The following CCL28 variants were observed in gnomAD, a reference collection of about 807,000 sequenced individuals.
The protein encoded by CCL28 is C-C motif chemokine 28.
A neutral mutation model predicts 7.1 loss-of-function variants in CCL28; 4 were observed. The ratio of observed to expected loss-of-function variants is 0.56; its 90% CI spans 0.28 to 1.29. CCL28 has a LOEUF of 1.29. CCL28 is among the 50% of genes most tolerant of loss of function. The probability of loss-of-function intolerance (pLI) is 0.11; values close to 1 mark genes in which losing one functional copy is unlikely to be tolerated. For missense variants in CCL28, 151 were observed against 163.4 expected (o/e 0.92, Z 0.41); for synonymous variants, 55 against 57.8 (o/e 0.95, Z 0.22).
In CCL28 at chr5:43,379,966, A is replaced by T. The variant is rs1344068545; in HGVS notation, c.*1894T>A. 6.6e-6 allele frequency: 1 copy of T among 152,158 alleles called. No homozygotes were observed. Among genetic ancestry groups the T allele is most frequent in the Admixed American group, 6.5e-5 (1 of 15,276 alleles). The allele number at this position is 152,158 out of a possible 1,614,324, so 9.4% of individuals were successfully genotyped here. A position where few individuals can be genotyped will look rare whatever the true frequency, so the allele number is the denominator to read the frequency against. On this transcript the variant is annotated 3_prime_UTR_variant, in exon 3 of 3. Transcript: ENST00000361115. ...AAAACCCCGTCTCTACTAAAAATAC[A>T]AAAATCAGCGGGGTGTGGTGGCTGG...
the CCL28 span, among the ~76,000 whole-genome samples, chr5:43,357,650 T>C: frequency 6.6e-6 from 1 of 151,730 alleles, no homozygotes; most frequent in East Asian, 1.9e-4. Flanking sequence ...TCTTACTCTC[T>C]CCCACCCAGG....
rs546871515 is a variant in CCL28, at chr5:43,381,651, T to A, written c.*209A>T. On this transcript the variant is annotated 3_prime_UTR_variant, in exon 3 of 3. Transcript: ENST00000361115. The stretch of plus-strand genomic sequence containing the variant: ...CTGGGATAAAAGGTGTGAACCACCA[T>A]ACCCAGCCAGTATTATCTTTTCATT... The A allele has an allele frequency of 1.8e-5, 9 of 508,906 alleles. No homozygotes were observed. The highest frequency in any genetic ancestry group is 3.7e-5 in the Admixed American group (1 of 27,262). 31.5% of individuals were successfully genotyped at this position (508,906 alleles called of 1,614,324 possible). A position where few individuals can be genotyped will look rare whatever the true frequency, so the allele number is the denominator to read the frequency against.
chr5:43,372,644 C>A (rs892382780), downstream of CCL28, among the ~76,000 whole-genome samples: 6 of 152,038 alleles, frequency 3.9e-5, no homozygotes, highest in Admixed American at 3.9e-4. Context: ...GCTAGGATTA[C>A]AAGGGCGAGC....
At chr5:43,361,315 A>G in the CCL28 span, among the ~76,000 whole-genome samples, 1 of 152,142 alleles carries the variant, frequency 6.6e-6, no homozygotes, top group Non-Finnish European at 1.5e-5. Context: ...AGAATGACTT[A>G]TATTCCTTTG....
the CCL28 span, among the ~76,000 whole-genome samples, chr5:43,367,505 T>G: frequency 6.6e-6 from 1 of 152,214 alleles, no homozygotes; most frequent in East Asian, 1.9e-4. Flanking sequence ...CAACCCCTTG[T>G]GCTTCCTGGG....
the CCL28 span, among the ~76,000 whole-genome samples, chr5:43,364,352 T>C: frequency 2.0e-5 from 3 of 152,216 alleles, no homozygotes; most frequent in Admixed American, 2.0e-4. Context: ...TGTATGTGTA[T>C]TGTGTAGAGT....
intron 1 of CCL28, among the ~76,000 whole-genome samples, chr5:43,404,314 C>A (rs1741172877): frequency 1.3e-5 from 2 of 152,206 alleles, no homozygotes; most frequent in Non-Finnish European, 2.9e-5. Context: ...GATCCCTCAG[C>A]AGAAACTCTA....
chr5:43,363,502 C>G, the CCL28 span, among the ~76,000 whole-genome samples: 1 of 152,184 alleles, frequency 6.6e-6, no homozygotes, highest in East Asian at 1.9e-4. Context: ...GATTCCATAC[C>G]CTGAGTGGTA....
At chr5:43,400,818 C>T (rs1241652039) in intron 1 of CCL28, among the ~76,000 whole-genome samples, 2 of 152,188 alleles carry the variant, frequency 1.3e-5, no homozygotes, top group Non-Finnish European at 2.9e-5. Flanking sequence ...GGTGTGGTGG[C>T]TCACGCCTGT....
chr5:43,375,458 T>TA (rs56289620), downstream of CCL28, among the ~76,000 whole-genome samples: 17,139 of 32,722 alleles, frequency 0.52, 6,319 homozygotes, highest in Non-Finnish European at 0.6. Context: ...GACAGAAAGC[T>TA]AAAAAAAAAA....
chr5:43,395,887 AGTATCGCTCT>A lies in CCL28; in HGVS notation c.65-7421_65-7412del, dbSNP rs1450461975. On this transcript the variant is annotated intron_variant, in intron 1 of 2. Transcript: ENST00000361115. ...TTTTTTTTTTTTTTTTTTGAGACGG[AGTATCGCTCT>A]GTATCGCTCTGTTGCCCAGACTGGA... Among the ~76,000 whole-genome samples the A allele has an allele frequency of 4.1e-5, 4 of 98,722 alleles. No individual in the cohort carries two copies. In the Admixed American group the frequency reaches 6.1e-4, roughly 15 times the overall value. The allele number at this position is 98,722 out of a possible 152,430, so 64.8% of individuals were successfully genotyped here. A position where few individuals can be genotyped will look rare whatever the true frequency, so the allele number is the denominator to read the frequency against.
chr5:43,399,004 A>C (rs59189257), intron 1 of CCL28, among the ~76,000 whole-genome samples: 1 of 152,264 alleles, frequency 6.6e-6, no homozygotes, highest in African/African-American at 2.4e-5. Flanking sequence ...CAGTAACTTC[A>C]AAATGTGTTT....
At chr5:43,389,463 C>T (rs1293756478) in intron 1 of CCL28, among the ~76,000 whole-genome samples, 4 of 152,164 alleles carry the variant, frequency 2.6e-5, no homozygotes, top group East Asian at 1.9e-4. Context: ...TGAATCACTA[C>T]GCTAGACCCT....
At chr5:43,358,601 T>C in the CCL28 span, among the ~76,000 whole-genome samples, 2,382 of 152,288 alleles carry the variant, frequency 0.016, 63 homozygotes, top group African/African-American at 0.052. Flanking sequence ...GTCCAAACCA[T>C]TGGTCTTCAA....
At chr5:43,390,146 A>G (rs1446303487) in intron 1 of CCL28, among the ~76,000 whole-genome samples, 1 of 152,218 alleles carries the variant, frequency 6.6e-6, no homozygotes, top group Non-Finnish European at 1.5e-5. Context: ...ATACTGAACA[A>G]TGGTTGTTGG....
chr5:43,368,147 G>A, the CCL28 span, among the ~76,000 whole-genome samples: 5 of 152,154 alleles, frequency 3.3e-5, no homozygotes, highest in East Asian at 3.8e-4. Flanking sequence ...TTTGTAATAC[G>A]TGGGAGGAAA....
intron 1 of CCL28, among the ~76,000 whole-genome samples, chr5:43,392,643 C>T (rs757681587): frequency 6.6e-6 from 1 of 152,202 alleles, no homozygotes; most frequent in Non-Finnish European, 1.5e-5. Context: ...TGCACATCCT[C>T]AACAACTTTT....
rs763173713 is a variant in CCL28, at chr5:43,382,057, T to C, written c.192-5A>G. On this transcript the variant is annotated splice_polypyrimidine_tract_variant and splice_region_variant and intron_variant, in intron 2 of 2. Transcript: ENST00000361115. ...CTTCTGCGCTTGACATGAAGGCTGT[T>C]AGAAAAGGAAGCAAAAGAAAGTCAC... is the stretch of plus-strand genomic sequence containing the variant. 1.3e-6 allele frequency: 2 copies of C among 1,599,050 alleles called. No homozygotes were observed. The highest frequency in any genetic ancestry group is 2.2e-5 in the East Asian group (1 of 44,540).
rs546871515 is a variant in CCL28 at position 43,381,651 on chromosome 5, T to C, written c.*209A>G. 454 of 508,906 alleles carry C rather than the reference T, an allele frequency of 8.9e-4. 1 individual carries two copies. The highest frequency in any genetic ancestry group is 1.4e-3 in the Non-Finnish European group (393 of 288,986). 31.5% of individuals were successfully genotyped at this position (508,906 alleles called of 1,614,324 possible). On this transcript the variant is annotated 3_prime_UTR_variant, in exon 3 of 3. Transcript: ENST00000361115. Reference sequence around the variant, plus strand: ...CTGGGATAAAAGGTGTGAACCACCATACCCAGCCAGTATTATCTTTTCATT... The same window carrying C: ...CTGGGATAAAAGGTGTGAACCACCACACCCAGCCAGTATTATCTTTTCATT...
Sources: allele counts gnomAD v4.1 joint callset (sites outside exome capture counted in the v4.1 genomes callset), GRCh38; gene constraint gnomAD v4.1.1; transcripts MANE v1.5; gene names NCBI Gene and HGNC (gene_info 2026-07-23, HGNC 2026-07-21).